NFE2L3: variants seen among roughly 807,000 people sequenced by gnomAD.
The protein encoded by NFE2L3 is nuclear factor erythroid 2-related factor 3.
In NFE2L3, 18 loss-of-function variants were observed where a neutral mutation model predicts 23.5. That is an observed-to-expected ratio of 0.77 (90% CI 0.53 to 1.13). The LOEUF is 1.13. Ranked by LOEUF, NFE2L3 falls within the 50% of genes most tolerant of loss-of-function variation. NFE2L3 has a pLI of 0.00. For missense variants in NFE2L3, 1,152 were observed against 877.2 expected, an observed-to-expected ratio of 1.31 and a Z score of -3.96; for synonymous variants, 424 against 354.5, an observed-to-expected ratio of 1.20 and a Z score of -2.20.
At chr7:26,184,236 T>A in intron 3 of NFE2L3, 2 of 374,152 alleles carry the variant, frequency 5.3e-6, no homozygotes, top group South Asian at 3.7e-5. Flanking sequence ...ATGAGTTGCA[T>A]CTTATTATAA....
intron 1 of NFE2L3, among the ~76,000 whole-genome samples, chr7:26,155,148 T>C (rs980418609): frequency 2.0e-5 from 3 of 152,108 alleles, no homozygotes; most frequent in African/African-American, 7.2e-5. Context: ...CAATTTGTAC[T>C]TAAGAAAAAT....
chr7:26,181,033 G>A lies in NFE2L3; in HGVS notation c.751-2668G>A, dbSNP rs571736063. Among the ~76,000 whole-genome samples, 142 of 152,074 alleles carry A rather than the reference G, an allele frequency of 9.3e-4. 1 individual carries two copies. The highest frequency in any genetic ancestry group is 3.3e-3 in the African/African-American group (135 of 41,474). On this transcript the variant is annotated intron_variant, in intron 2 of 3. Coordinates refer to ENST00000056233, the MANE Select transcript of NFE2L3 (RefSeq NM_004289.7). ...ACTCTGTCACCCAGGCTAAAGTGCA[G>A]TGGCGCTGTCATGGCTCACTGCAGC...
chr7:26,160,215 C>CT (rs1464357070), intron 1 of NFE2L3, among the ~76,000 whole-genome samples: 1 of 152,164 alleles, frequency 6.6e-6, no homozygotes, highest in Non-Finnish European at 1.5e-5. Context: ...GCCTCTCCTC[C>CT]TAAAGTGCTG....
At chr7:26,171,186 GA>G (rs1448004662) in intron 1 of NFE2L3, among the ~76,000 whole-genome samples, 1 of 152,208 alleles carries the variant, frequency 6.6e-6, no homozygotes, top group Non-Finnish European at 1.5e-5. Flanking sequence ...CGTGTGCAAA[GA>G]AGTATGGATG....
intron 3 of NFE2L3, 157 bp downstream of exon 3, chr7:26,183,941 A>C: frequency 1.8e-6 from 1 of 569,418 alleles, no homozygotes; most frequent in South Asian, 2.4e-5. Flanking sequence ...TATGTATAGC[A>C]TTCCTCTTTC....
At position 26,185,530 on chromosome 7, in the gene NFE2L3, G is replaced by A. The variant is rs756320638; in HGVS notation, c.1832G>A (p.Cys611Tyr). 2 of 1,613,788 alleles carry A rather than the reference G, an allele frequency of 1.2e-6. No individual in the cohort carries two copies. The highest frequency in any genetic ancestry group is 2.2e-5 in the East Asian group (1 of 44,898). The change falls in exon 4 of 4, where the codon TGT (cysteine) becomes TAT (tyrosine). Residue 611 changes from cysteine (C) to tyrosine (Y), a missense_variant. By Grantham distance (194) the Cys-to-Tyr change is radical. Coordinates refer to ENST00000056233, the MANE Select transcript of NFE2L3 (RefSeq NM_004289.7). ...ATTTTGAATTTAGAAGATGATGTAT[G>A]TAACTTGCAAGCAAAGAAGGAAACT... ...DIILNLEDDVCNLQAKKETLK... is the reference protein window; with the variant it reads ...DIILNLEDDVYNLQAKKETLK...
intron 1 of NFE2L3, among the ~76,000 whole-genome samples, chr7:26,161,931 T>C (rs1784179123): frequency 6.6e-6 from 1 of 152,042 alleles, no homozygotes; most frequent in Admixed American, 6.6e-5. Context: ...TCACTTGAGG[T>C]CAGGAGTTTG....
At chr7:26,157,823 A>G (rs1458278604) in intron 1 of NFE2L3, among the ~76,000 whole-genome samples, 1 of 152,184 alleles carries the variant, frequency 6.6e-6, no homozygotes, top group East Asian at 1.9e-4. Context: ...TTCTGGAGGC[A>G]AGAAGTCCAA....
Position 26,183,769 on chromosome 7 carries a change from T to C in NFE2L3, c.819T>C (p.Pro273=). ...EDLFQLLSSQ[P]ENSLEGISLG... is the part of the protein sequence containing the mutation. ...TATTCCAGTTGCTTTCATCACAGCC[T>C]GAAAATTCACTGGAGGTAATTGGAA... Residue 273 remains proline (P), a synonymous_variant, in exon 3 of 4, where the codon CCT becomes CCC. Coordinates refer to ENST00000056233, the MANE Select transcript of NFE2L3 (RefSeq NM_004289.7). 6.2e-7 allele frequency: 1 copy of C among 1,612,072 alleles called. No individual in the cohort carries two copies. The highest frequency in any genetic ancestry group is 8.5e-7 in the Non-Finnish European group (1 of 1,178,078).
Position 26,152,840 on chromosome 7 carries a change from C to G in NFE2L3, c.342C>G (p.His114Gln). Residue 114 changes from histidine to glutamine, a missense_variant, in exon 1 of 4, where the codon CAC (histidine) becomes CAG (glutamine). Physicochemically the swap from His to Gln is conservative, Grantham distance 24. Coordinates refer to ENST00000056233, the MANE Select transcript of NFE2L3 (RefSeq NM_004289.7). This position sits in a 1 kb window ranked among gnomAD's most constrained non-coding sequence, Gnocchi z 4.4. ...PRTSVDAWLV[H>Q]SVAAGSADEA... is the part of the protein sequence containing the mutation. ...CCAGCGTGGATGCATGGCTGGTGCA[C>G]AGCGTGGCTGCCGGGAGCGCGGACG... 1.4e-6 allele frequency: 2 copies of G among 1,476,650 alleles called. No individual in the cohort carries two copies. The highest frequency in any genetic ancestry group is 1.8e-6 in the Non-Finnish European group (2 of 1,121,584). The allele number at this position is 1,476,650 out of a possible 1,614,324, so 91.5% of individuals were successfully genotyped here. A position where few individuals can be genotyped will look rare whatever the true frequency, so the allele number is the denominator to read the frequency against.
intron 1 of NFE2L3, among the ~76,000 whole-genome samples, chr7:26,159,226 A>G (rs1784134377): frequency 6.6e-6 from 1 of 152,134 alleles, no homozygotes; most frequent in Non-Finnish European, 1.5e-5. Context: ...AACTTTCTTC[A>G]TCCCTTTGCC....
At chr7:26,162,194 C>T (rs915832357) in intron 1 of NFE2L3, among the ~76,000 whole-genome samples, 1 of 151,614 alleles carries the variant, frequency 6.6e-6, no homozygotes, top group Admixed American at 6.6e-5. Flanking sequence ...CAAAGCTGAG[C>T]TAAAAATATT....
At chr7:26,177,918 T>C in intron 1 of NFE2L3, 25 bp from the exon 2 acceptor site, 3 of 1,597,820 alleles carry the variant, frequency 1.9e-6, no homozygotes, top group Non-Finnish European at 2.6e-6. Flanking sequence ...GTTTGCTTAT[T>C]TGATGAAATT....
chr7:26,166,168 A>G (rs970611083), intron 1 of NFE2L3, among the ~76,000 whole-genome samples: 5 of 152,120 alleles, frequency 3.3e-5, no homozygotes, highest in Non-Finnish European at 7.3e-5. Context: ...GGATGGCTCA[A>G]TGGAAGAGAC....
At chr7:26,183,656 T>A (rs756921598) in intron 2 of NFE2L3, 45 bp from the exon 3 acceptor site, 2 of 1,215,194 alleles carry the variant, frequency 1.6e-6, no homozygotes, top group Non-Finnish European at 2.4e-6. Context: ...CCCCAACCAG[T>A]TCAGTCTTTT....
intron 1 of NFE2L3, among the ~76,000 whole-genome samples, chr7:26,170,215 C>T (rs1784315067): frequency 6.6e-6 from 1 of 152,086 alleles, no homozygotes; most frequent in African/African-American, 2.4e-5. Flanking sequence ...TGACATGGTC[C>T]CCAGGTCTTG....
At chr7:26,153,144 A>C in intron 1 of NFE2L3, 76 bp downstream of exon 1, 2 of 1,371,342 alleles carry the variant, frequency 1.5e-6, no homozygotes, top group African/African-American at 1.5e-5. Flanking sequence ...GTCGGATCTG[A>C]GCAGGGGCCA....
intron 1 of NFE2L3, among the ~76,000 whole-genome samples, chr7:26,168,661 C>T (rs941535015): frequency 2.0e-5 from 3 of 151,406 alleles, no homozygotes; most frequent in South Asian, 2.1e-4. Flanking sequence ...TTTGGAATTG[C>T]GAATTGTGCT....
Position 26,186,022 on chromosome 7 carries a change from AGTTAT to A in NFE2L3, c.*242_*246del. On this transcript the variant is annotated 3_prime_UTR_variant, in exon 4 of 4. Coordinates refer to ENST00000056233, the MANE Select transcript of NFE2L3 (RefSeq NM_004289.7). Reference sequence around the variant, plus strand: ...GAAGTGCATTGTATACAAAATTCATAGTTATGTCCAAAGAATAGGTTAACATGAAA... The same window carrying A: ...GAAGTGCATTGTATACAAAATTCATAGTCCAAAGAATAGGTTAACATGAAA... 1 of 363,410 alleles carries A rather than the reference AGTTAT, an allele frequency of 2.8e-6. No homozygotes were observed. Among genetic ancestry groups the A allele is most frequent in the South Asian group, 8.0e-5 (1 of 12,566 alleles). The allele number at this position is 363,410 out of a possible 1,614,324, so 22.5% of individuals were successfully genotyped here.
Sources: gnomAD v4.1 joint callset for allele counts (sites outside exome capture counted in the v4.1 genomes callset) on GRCh38, gnomAD v4.1.1 for gene constraint, Gnocchi (gnomAD v3.1) non-coding constraint, MANE v1.5 for transcripts, NCBI Gene and HGNC (gene_info 2026-07-23, HGNC 2026-07-21) for gene names.